The following MYO9A variants were observed in gnomAD, a reference collection of about 807,000 sequenced individuals.
MYO9A encodes the protein myosin IXA.
Under a neutral mutation model 293.3 loss-of-function variants are expected in MYO9A, and 103 were observed. The ratio of observed to expected loss-of-function variants is 0.35; its 90% CI spans 0.30 to 0.41. The LOEUF is 0.41. Among genes scored for constraint, MYO9A ranks in the 10% least tolerant of loss-of-function variants. The pLI, the probability that MYO9A is intolerant of heterozygous loss-of-function variation, is 1.00. For missense variants in MYO9A, 2,685 were observed against 3,033.0 expected (o/e 0.89, Z 2.69); for synonymous variants, 1,001 against 1,035.7 (o/e 0.97, Z 0.64).
chr15:72,057,993 T>C (rs538524701), intron 1 of MYO9A, among the ~76,000 whole-genome samples: 2 of 152,206 alleles, frequency 1.3e-5, no homozygotes, highest in Non-Finnish European at 2.9e-5. Flanking sequence ...GCCCTTGTTA[T>C]CCAAATTCCT....
rs1262353871 is a variant in MYO9A, at chr15:72,094,775, A to T, written c.-72+22905T>A. ...AGCAAACCTCTCACCTCAGCCTTCTAAAGCACCTGTATTACAGGTGTAAGC... is the reference window on the plus strand; with the variant it reads ...AGCAAACCTCTCACCTCAGCCTTCTTAAGCACCTGTATTACAGGTGTAAGC... On this transcript the variant is annotated intron_variant, in intron 1 of 41. Transcript: ENST00000356056. Among the ~76,000 whole-genome samples, 4 of 91,696 alleles carry T rather than the reference A, an allele frequency of 4.4e-5. 2 individuals carry two copies. Among genetic ancestry groups the T allele is most frequent in the Middle Eastern group, 0.014 (2 of 138 alleles). 60.2% of individuals were successfully genotyped at this position (91,696 alleles called of 152,430 possible).
intron 5 of MYO9A, 24 bp downstream of exon 5, chr15:72,020,894 A>C: frequency 7.0e-7 from 1 of 1,425,718 alleles, no homozygotes; most frequent in Non-Finnish European, 9.4e-7. Flanking sequence ...CCTATACTTC[A>C]AAATGCTTTT....
chr15:71,916,341 T>C, intron 19 of MYO9A, 29 bp downstream of exon 19: 2 of 1,600,380 alleles, frequency 1.2e-6, no homozygotes, highest in Non-Finnish European at 1.7e-6. Flanking sequence ...TACAGATTCT[T>C]ATTTGTTTTA....
chr15:71,888,519 T>A (rs1016585434), intron 26 of MYO9A: 1 of 153,678 alleles, frequency 6.5e-6, no homozygotes, highest in African/African-American at 2.4e-5. Context: ...CTTGCTATTA[T>A]AAGTTCTTCA....
At chr15:72,091,812 C>G (rs1052603972) in intron 1 of MYO9A, among the ~76,000 whole-genome samples, 6 of 151,398 alleles carry the variant, frequency 4.0e-5, no homozygotes, top group South Asian at 2.1e-4. Flanking sequence ...CTCCCAGGTT[C>G]ACACCATTCT....
At chr15:71,840,267 G>A (rs4776579) in intron 39 of MYO9A, among the ~76,000 whole-genome samples, 39,824 of 152,110 alleles carry the variant, frequency 0.26, 5,723 homozygotes, top group East Asian at 0.39. Context: ...GAATAGTTCT[G>A]CATCCATTGG....
intron 39 of MYO9A, among the ~76,000 whole-genome samples, chr15:71,832,232 C>T (rs551879640): frequency 3.3e-5 from 5 of 152,230 alleles, no homozygotes; most frequent in Admixed American, 2.0e-4. Flanking sequence ...GCCAAGATTA[C>T]GCCACTGCAC....
chr15:71,856,375 G>T (rs1447996499), intron 34 of MYO9A, among the ~76,000 whole-genome samples: 1 of 151,878 alleles, frequency 6.6e-6, no homozygotes, highest in Non-Finnish European at 1.5e-5. Flanking sequence ...ATTATAAATA[G>T]ATTAACTATT....
At chr15:72,079,758 T>A (rs897810770) in intron 1 of MYO9A, among the ~76,000 whole-genome samples, 1 of 152,176 alleles carries the variant, frequency 6.6e-6, no homozygotes, top group African/African-American at 2.4e-5. Context: ...AATTCGCTAT[T>A]ATTAGGTTTT....
At chr15:72,038,938 TATAC>T (rs1343107544) in intron 2 of MYO9A, among the ~76,000 whole-genome samples, 2 of 152,084 alleles carry the variant, frequency 1.3e-5, no homozygotes, top group South Asian at 2.1e-4. Flanking sequence ...ACTTAAAATA[TATAC>T]ATAATCTATA....
chr15:71,882,119 T>C (rs2056889155), intron 28 of MYO9A, among the ~76,000 whole-genome samples: 1 of 152,192 alleles, frequency 6.6e-6, no homozygotes, highest in Non-Finnish European at 1.5e-5. Context: ...CTTGTTTCTC[T>C]ATTTTATCCT....
intron 1 of MYO9A, among the ~76,000 whole-genome samples, chr15:72,088,058 C>T (rs575980498): frequency 1.2e-4 from 19 of 152,190 alleles, no homozygotes; most frequent in African/African-American, 3.9e-4. Context: ...TGGAAGGATA[C>T]GGCAAACAGC....
At chr15:71,873,913 C>A (rs777242308) in intron 32 of MYO9A, among the ~76,000 whole-genome samples, 1 of 152,094 alleles carries the variant, frequency 6.6e-6, no homozygotes, top group Non-Finnish European at 1.5e-5. Context: ...CTATCCTTTC[C>A]TTTGTATACA....
chr15:71,965,862 A>C lies in MYO9A; in HGVS notation c.1986+2122T>G, dbSNP rs141194852. On this transcript the variant is annotated intron_variant, in intron 13 of 41. Coordinates refer to ENST00000356056, the MANE Select transcript of MYO9A (RefSeq NM_006901.4). Reference sequence around the variant, plus strand: ...ATCTCTAGTAATATTTCTGGTCTTAAAGTCTATTTTGTCCTACAATTTTTT... The same window carrying C: ...ATCTCTAGTAATATTTCTGGTCTTACAGTCTATTTTGTCCTACAATTTTTT... Among the ~76,000 whole-genome samples, 17 of 152,158 alleles carry C rather than the reference A, an allele frequency of 1.1e-4. No individual in the cohort carries two copies. In the East Asian group the frequency reaches 3.3e-3, roughly 29 times the overall value.
chr15:71,870,866 G>A (rs1234836465), intron 32 of MYO9A, among the ~76,000 whole-genome samples: 1 of 152,090 alleles, frequency 6.6e-6, no homozygotes, highest in Non-Finnish European at 1.5e-5. Flanking sequence ...TGGATTCATA[G>A]TTGGTTGAAC....
intron 5 of MYO9A, 144 bp from the exon 6 acceptor site, chr15:72,019,239 C>A (rs1475894816): frequency 6.0e-6 from 4 of 666,738 alleles, no homozygotes; most frequent in Admixed American, 4.5e-5. Flanking sequence ...AATAATGAAG[C>A]AAATATTCAC....
intron 18 of MYO9A, among the ~76,000 whole-genome samples, chr15:71,921,202 A>T (rs975726147): frequency 4.6e-5 from 7 of 152,236 alleles, no homozygotes; most frequent in African/African-American, 1.7e-4. Flanking sequence ...AGTATTACCA[A>T]AACAGAGCTA....
intron 19 of MYO9A, among the ~76,000 whole-genome samples, chr15:71,910,638 A>G (rs925258997): frequency 6.6e-6 from 1 of 152,324 alleles, no homozygotes; most frequent in African/African-American, 2.4e-5. Flanking sequence ...CATGTTGTAT[A>G]ATCAGTTTAT....
chr15:71,890,772 T>C (rs2057152331), intron 26 of MYO9A: 1 of 152,146 alleles, frequency 6.6e-6, no homozygotes, highest in Admixed American at 6.5e-5. Flanking sequence ...CTTTATCCCA[T>C]TAGATTGGGT....
Sources: gnomAD v4.1 joint callset for allele counts (sites outside exome capture counted in the v4.1 genomes callset) on GRCh38, gnomAD v4.1.1 for gene constraint, MANE v1.5 for transcripts, NCBI Gene and HGNC (gene_info 2026-07-23, HGNC 2026-07-21) for gene names.